CYP2J2: variants seen among roughly 807,000 people sequenced by gnomAD.
The protein encoded by CYP2J2 is cytochrome P450 2J2.
A neutral mutation model predicts 48.8 loss-of-function variants in CYP2J2; 41 were observed. The ratio of observed to expected loss-of-function variants is 0.84; its 90% CI spans 0.66 to 1.09. The LOEUF is 1.09. Ranked by LOEUF, CYP2J2 falls within the 50% of genes least tolerant of loss-of-function variation. The pLI is 0.00. For synonymous variants in CYP2J2, 221 were observed against 227.1 expected (o/e 0.97, Z 0.24); for missense variants, 644 against 617.3 (o/e 1.04, Z -0.46).
the CYP2J2 span, among the ~76,000 whole-genome samples, chr1:59,953,504 A>G: frequency 0.035 from 5,017 of 143,460 alleles, 137 homozygotes; most frequent in Admixed American, 0.087. Context: ...ACCAGTGTGT[A>G]TATGTGTGTG....
chr1:59,941,675 T>G, the CYP2J2 span, among the ~76,000 whole-genome samples: 1 of 152,194 alleles, frequency 6.6e-6, no homozygotes, highest in Non-Finnish European at 1.5e-5. Flanking sequence ...AAGACAGTGA[T>G]ATTGATGATT....
At chr1:59,958,438 C>T in the CYP2J2 span, among the ~76,000 whole-genome samples, 2 of 152,146 alleles carry the variant, frequency 1.3e-5, no homozygotes, top group Non-Finnish European at 2.9e-5. Flanking sequence ...CCCCCATAGT[C>T]ATTTGGTTAC....
chr1:59,954,587 T>A, the CYP2J2 span, among the ~76,000 whole-genome samples: 1 of 111,132 alleles, frequency 9.0e-6, no homozygotes, highest in African/African-American at 4.7e-5. Flanking sequence ...TCTTGGTGGG[T>A]CGGGGGGGGA....
Position 59,900,990 on chromosome 1 carries a change from C to T in CYP2J2, c.1305G>A (p.Arg435=), listed in dbSNP as rs751225245. The change falls in exon 8 of 9, where the codon AGG becomes AGA. Residue 435 remains arginine, a synonymous_variant. Coordinates refer to ENST00000371204, the MANE Select transcript of CYP2J2 (RefSeq NM_000775.4). ...HFLENGQFKK[R]EAFMPFSIGK... Reference sequence around the variant, plus strand: ...CTATTGAGAAAGGCATAAAGGCTTCCCTTTTCTTAAACTGTCCATTCTCCA... The same window carrying T: ...CTATTGAGAAAGGCATAAAGGCTTCTCTTTTCTTAAACTGTCCATTCTCCA... The T allele has an allele frequency of 6.2e-6, 10 of 1,614,016 alleles. No homozygotes were observed. In the East Asian group the frequency reaches 6.7e-5, roughly 11 times the overall value.
At chr1:59,943,292 G>A in the CYP2J2 span, among the ~76,000 whole-genome samples, 11 of 152,044 alleles carry the variant, frequency 7.2e-5, no homozygotes, top group Non-Finnish European at 1.5e-4. Flanking sequence ...AGGAGAAGGA[G>A]CCAGCAAGAG....
At chr1:59,933,038 T>C in the CYP2J2 span, among the ~76,000 whole-genome samples, 1 of 152,194 alleles carries the variant, frequency 6.6e-6, no homozygotes, top group South Asian at 2.1e-4. Flanking sequence ...TATTCAGTGA[T>C]TATAGCTTAT....
chr1:59,907,391 T>A (rs1644373809), intron 6 of CYP2J2, among the ~76,000 whole-genome samples: 1 of 152,112 alleles, frequency 6.6e-6, no homozygotes. Flanking sequence ...AAGGGGCATA[T>A]CGGAGGTTAA....
At chr1:59,955,489 C>A in the CYP2J2 span, among the ~76,000 whole-genome samples, 1 of 151,730 alleles carries the variant, frequency 6.6e-6, no homozygotes, top group Non-Finnish European at 1.5e-5. Flanking sequence ...GACATTTTGA[C>A]GAGGAGCAGG....
At chr1:59,946,926 T>A in the CYP2J2 span, among the ~76,000 whole-genome samples, 16 of 152,130 alleles carry the variant, frequency 1.1e-4, no homozygotes, top group African/African-American at 3.6e-4. Context: ...TTCTTATTAA[T>A]TCCTGGCAAC....
At chr1:59,921,324 G>C (rs1644512687) in intron 1 of CYP2J2, among the ~76,000 whole-genome samples, 1 of 152,178 alleles carries the variant, frequency 6.6e-6, no homozygotes. Flanking sequence ...ATGCAAAATT[G>C]CATGCAGGAT....
the CYP2J2 span, among the ~76,000 whole-genome samples, chr1:59,935,707 C>T: frequency 3.3e-4 from 50 of 152,252 alleles, no homozygotes; most frequent in Admixed American, 5.2e-4. Flanking sequence ...AGATATTCCA[C>T]GTACATGGGT....
the CYP2J2 span, among the ~76,000 whole-genome samples, chr1:59,947,482 A>C: frequency 6.6e-6 from 1 of 152,128 alleles, no homozygotes; most frequent in African/African-American, 2.4e-5. Flanking sequence ...TGAGCCAGAG[A>C]GCTTCTGGGA....
upstream of CYP2J2, among the ~76,000 whole-genome samples, chr1:59,927,436 C>A (rs141350998): frequency 3.3e-5 from 5 of 152,278 alleles, no homozygotes; most frequent in East Asian, 1.9e-4. Context: ...GACTGTGGGA[C>A]CTCCAGGTTC....
chr1:59,951,926 C>T, the CYP2J2 span, among the ~76,000 whole-genome samples: 2 of 152,162 alleles, frequency 1.3e-5, no homozygotes, highest in Non-Finnish European at 2.9e-5. Context: ...TACCCCACTT[C>T]CCATCTCTGT....
chr1:59,935,025 T>TATATATATATGTATATATATATATATAC, the CYP2J2 span, among the ~76,000 whole-genome samples: 3 of 85,846 alleles, frequency 3.5e-5, no homozygotes, highest in Non-Finnish European at 7.5e-5. Context: ...CATATATATA[T>TATATATATATGTATATATATATATATAC]ATATATATAT....
At chr1:59,908,216 G>A (rs946309457) in intron 5 of CYP2J2, among the ~76,000 whole-genome samples, 6 of 152,172 alleles carry the variant, frequency 3.9e-5, no homozygotes, top group Non-Finnish European at 4.4e-5. Flanking sequence ...AATGGGATGT[G>A]AACGAGACAG....
upstream of CYP2J2, among the ~76,000 whole-genome samples, chr1:59,926,965 G>C (rs575058289): frequency 6.6e-6 from 1 of 152,220 alleles, no homozygotes; most frequent in Non-Finnish European, 1.5e-5. Context: ...GAAAGCTCAT[G>C]GGTTTACTGA....
At chr1:59,935,015 CATATATAT>C in the CYP2J2 span, among the ~76,000 whole-genome samples, 2,297 of 47,336 alleles carry the variant, frequency 0.049, 94 homozygotes, top group South Asian at 0.12. Context: ...TATATATATA[CATATATAT>C]ATATATATAT....
At chr1:59,919,311 A>G (rs1184739728) in intron 1 of CYP2J2, among the ~76,000 whole-genome samples, 1 of 152,214 alleles carries the variant, frequency 6.6e-6, no homozygotes, top group Non-Finnish European at 1.5e-5. Context: ...TTTCTCATTG[A>G]TAACGTGGAA....
Sources: gnomAD v4.1 joint callset for allele counts (sites outside exome capture counted in the v4.1 genomes callset) on GRCh38, gnomAD v4.1.1 for gene constraint, MANE v1.5 for transcripts, NCBI Gene and HGNC (gene_info 2026-07-23, HGNC 2026-07-21) for gene names.